The following SULT4A1 variants were observed in gnomAD, a reference collection of about 807,000 sequenced individuals.
SULT4A1 encodes sulfotransferase family 4A member 1.
Under a neutral mutation model 35.2 loss-of-function variants are expected in SULT4A1, and 11 were observed. The ratio of observed to expected loss-of-function variants is 0.31; its 90% confidence interval spans 0.20 to 0.52. The LOEUF (loss-of-function observed/expected upper bound fraction) is 0.52. Among genes scored for constraint, SULT4A1 ranks in the 20% least tolerant of loss-of-function variants. The pLI is 0.97. For missense variants in SULT4A1, 271 were observed against 383.7 expected (o/e 0.71, Z 2.45); for synonymous variants, 152 against 151.8 (o/e 1.00, Z -0.01).
chr22:43,834,278 ACACCGCGGCCCTGTGCTTCCCGCGCCCC>A (rs1357706066), intron 4 of SULT4A1, among the ~76,000 whole-genome samples: 15 of 147,448 alleles, frequency 1.0e-4, no homozygotes, highest in African/African-American at 3.8e-4. Context: ...TCCCGCACCC[ACACCGCGGCCCTGTGCTTCCCGCGCCCC>A]CACCGCGTCC....
chr22:43,825,642 A>G lies in SULT4A1; in HGVS notation c.*359T>C, dbSNP rs1436784397. On this transcript the variant is annotated 3_prime_UTR_variant, in exon 7 of 7. Transcript: ENST00000330884. ...TTGGAAATGAACTTTTATTTGGTTT[A>G]CTGACATTTATGTAGATTTCCAGTG... 1.8e-5 allele frequency: 3 copies of G among 165,112 alleles called. No individual in the cohort carries two copies. In the Admixed American group the frequency reaches 1.9e-4, roughly 10 times the overall value. The allele number at this position is 165,112 out of a possible 1,614,324, so 10.2% of individuals were successfully genotyped here. A position where few individuals can be genotyped will look rare whatever the true frequency, so the allele number is the denominator to read the frequency against.
rs768365734 is a variant in SULT4A1 at position 43,841,807 on chromosome 22, T to C, written c.295A>G (p.Ile99Val). 8 of 1,612,710 alleles carry C rather than the reference T, an allele frequency of 5.0e-6. No homozygotes were observed. The highest frequency in any genetic ancestry group is 1.1e-5 in the South Asian group (1 of 91,022). Reference sequence around the variant, plus strand: ...GTGCTGCTGGCCCTGGGTACCTTGATGATGTCCAGGCCCGGCTGTGGGTAC... The same window carrying C: ...GTGCTGCTGGCCCTGGGTACCTTGACGATGTCCAGGCCCGGCTGTGGGTAC... ...LEYPQPGLDI[I>V]KELTSPRLIK... Residue 99 changes from isoleucine (I) to valine (V), a missense_variant, in exon 2 of 7, where the codon ATC (isoleucine) becomes GTC (valine). Physicochemically the swap from Ile to Val is conservative, Grantham distance 29 (BLOSUM62 3). Transcript: ENST00000330884.
chr22:43,836,684 T>C (rs981965659), intron 4 of SULT4A1, among the ~76,000 whole-genome samples: 2 of 147,978 alleles, frequency 1.4e-5, no homozygotes, highest in African/African-American at 5.1e-5. Flanking sequence ...GGAGCCTGTC[T>C]ACACATCAAA....
intron 1 of SULT4A1, among the ~76,000 whole-genome samples, chr22:43,846,324 C>T (rs2063476836): frequency 6.6e-6 from 1 of 152,228 alleles, no homozygotes; most frequent in African/African-American, 2.4e-5. Context: ...TTCCAATGTG[C>T]TATCTACCTG....
At chr22:43,831,465 G>A (rs754597769) in intron 5 of SULT4A1, among the ~76,000 whole-genome samples, 4 of 152,128 alleles carry the variant, frequency 2.6e-5, no homozygotes, top group Non-Finnish European at 5.9e-5. Flanking sequence ...CCACTCCTGG[G>A]TATGGGCCCG....
rs557677404 is a variant in SULT4A1, at chr22:43,846,051, TGCC to T, written c.170-4122_170-4120del. On this transcript the variant is annotated intron_variant, in intron 1 of 6. Coordinates refer to ENST00000330884, the MANE Select transcript of SULT4A1 (RefSeq NM_014351.4). ...GAAGTCAGACTCCACCACTGTCCAC[TGCC>T]GCCGTCAGGCAGCTCTGCCTCCCAC... 9.5e-4 allele frequency among the ~76,000 whole-genome samples: 144 copies of T among 152,280 alleles called. 1 individual carries two copies. The highest frequency in any genetic ancestry group is 8.1e-3 in the South Asian group (39 of 4,824).
intron 3 of SULT4A1, among the ~76,000 whole-genome samples, chr22:43,839,486 C>A (rs1018112705): frequency 5.3e-5 from 8 of 152,234 alleles, no homozygotes; most frequent in African/African-American, 1.9e-4. Flanking sequence ...CCCAGCTACT[C>A]AGGAGGCTGA....
At chr22:43,849,107 C>G (rs28540565) in intron 1 of SULT4A1, among the ~76,000 whole-genome samples, 2 of 152,312 alleles carry the variant, frequency 1.3e-5, no homozygotes, top group South Asian at 2.1e-4. Context: ...GTGGAACTCC[C>G]CAGGACTCTA....
At chr22:43,849,983 C>T (rs1041550437) in intron 1 of SULT4A1, among the ~76,000 whole-genome samples, 3 of 152,158 alleles carry the variant, frequency 2.0e-5, no homozygotes, top group African/African-American at 4.8e-5. Context: ...GAGGGTGGAA[C>T]GAAGGAGGTT....
intron 6 of SULT4A1, 77 bp downstream of exon 6, chr22:43,828,983 G>A (rs1471959606): frequency 9.8e-6 from 14 of 1,426,164 alleles, no homozygotes; most frequent in Admixed American, 2.5e-5. Context: ...GACCGGACTC[G>A]GCTCCCTAAG....
chr22:43,826,349 G>A, intron 6 of SULT4A1: 1 of 985,376 alleles, frequency 1.0e-6, no homozygotes, highest in Non-Finnish European at 1.2e-6. Flanking sequence ...TGAGGCTGTG[G>A]CACAGTGAGC....
At chr22:43,827,970 A>G (rs1350045844) in intron 6 of SULT4A1, among the ~76,000 whole-genome samples, 2 of 152,234 alleles carry the variant, frequency 1.3e-5, no homozygotes, top group African/African-American at 4.8e-5. Context: ...CTGCCTTTAT[A>G]AGAGACGGCA....
chr22:43,857,070 A>G (rs767744898), intron 1 of SULT4A1, among the ~76,000 whole-genome samples: 8 of 152,226 alleles, frequency 5.3e-5, no homozygotes, highest in Non-Finnish European at 1.0e-4. Flanking sequence ...ACATGAATAG[A>G]TGGGATTATT....
At chr22:43,852,464 C>T (rs1431764797) in intron 1 of SULT4A1, among the ~76,000 whole-genome samples, 1 of 151,944 alleles carries the variant, frequency 6.6e-6, no homozygotes, top group Non-Finnish European at 1.5e-5. Context: ...AAATGTAAGC[C>T]ACCACGCCTG....
intron 2 of SULT4A1, among the ~76,000 whole-genome samples, chr22:43,841,570 G>T (rs2063429053): frequency 6.6e-6 from 1 of 152,146 alleles, no homozygotes; most frequent in African/African-American, 2.4e-5. Context: ...TGCCCCCCAG[G>T]CATTGACTTC....
chr22:43,827,252 C>T (rs759244634), intron 6 of SULT4A1: 35 of 985,434 alleles, frequency 3.6e-5, no homozygotes, highest in African/African-American at 7.0e-5. Flanking sequence ...TTATTAACAG[C>T]GGTCCTTGTC....
intron 6 of SULT4A1, chr22:43,828,816 G>T: frequency 2.2e-6 from 1 of 456,478 alleles, no homozygotes; most frequent in Non-Finnish European, 3.8e-6. Context: ...ACTTTTTCAA[G>T]TCAAAACACT....
intron 4 of SULT4A1, among the ~76,000 whole-genome samples, chr22:43,834,357 C>CA: frequency 8.0e-6 from 1 of 125,446 alleles, no homozygotes; most frequent in African/African-American, 3.1e-5. Flanking sequence ...GAGCTTCCCG[C>CA]GCCCCCACCG....
At position 43,841,982 on chromosome 22, in the gene SULT4A1, C is replaced by T. The variant is rs184552342; in HGVS notation, c.170-50G>A. 6,282 of 1,584,578 alleles carry T rather than the reference C, an allele frequency of 4.0e-3. 18 individuals carry two copies. Among genetic ancestry groups the T allele is most frequent in the Non-Finnish European group, 5.0e-3 (5,827 of 1,162,552 alleles). ...GGGTGCTCAGAGGAGGCCCACGCGC[C>T]CGGCCCTGTGCTCGGGTCAACACCT... On this transcript the variant is annotated intron_variant, in intron 1 of 6. Transcript: ENST00000330884.
Sources: gnomAD v4.1 joint callset for allele counts (sites outside exome capture counted in the v4.1 genomes callset) on GRCh38, gnomAD v4.1.1 for gene constraint, MANE v1.5 for transcripts, NCBI Gene and HGNC (gene_info 2026-07-23, HGNC 2026-07-21) for gene names.